The following ATP8B1 variants were observed in gnomAD, a reference collection of about 807,000 sequenced individuals.
ATP8B1 encodes the protein ATPase phospholipid transporting 8B1.
In ATP8B1, 80 loss-of-function variants were observed where a neutral mutation model predicts 149.9. The observed-to-expected ratio is 0.53, with a 90% CI of 0.45 to 0.64. The LOEUF (loss-of-function observed/expected upper bound fraction) is 0.64. Among genes scored for constraint, ATP8B1 ranks in the 30% least tolerant of loss-of-function variants. The probability of loss-of-function intolerance (pLI) is 0.00; values close to 1 mark genes in which losing one functional copy is unlikely to be tolerated. For missense variants in ATP8B1, 1,247 were observed against 1,552.6 expected (o/e 0.80, Z 3.31); for synonymous variants, 536 against 562.8 (o/e 0.95, Z 0.67).
chr18:57,662,534 A>G lies in ATP8B1; in HGVS notation c.2367T>C (p.Ser789=). ...YAKFAPPVQE[S]FFPPGGNRAL... The stretch of plus-strand genomic sequence containing the variant: ...CACGGTTTCCACCGGGTGGAAAAAA[A>G]GATTCCTGCACAGGAGGTGCAAACT... The change falls in exon 21 of 28, where the codon TCT becomes TCC. Residue 789 remains serine, a synonymous_variant. Transcript: ENST00000648908. 6.2e-7 allele frequency: 1 copy of G among 1,614,118 alleles called. No homozygotes were observed. The highest frequency in any genetic ancestry group is 2.2e-5 in the East Asian group (1 of 44,880).
intron 1 of ATP8B1, among the ~76,000 whole-genome samples, chr18:57,785,929 C>T (rs546096375): frequency 2.0e-5 from 3 of 152,202 alleles, no homozygotes; most frequent in East Asian, 1.9e-4. Context: ...AATTAGGCCA[C>T]GGTGGATTCT....
At position 57,695,275 on chromosome 18, in the gene ATP8B1, A is replaced by G; in HGVS notation, c.836T>C (p.Leu279Pro). 6.2e-7 allele frequency: 1 copy of G among 1,613,076 alleles called. No homozygotes were observed. Among genetic ancestry groups the G allele is most frequent in the Non-Finnish European group, 8.5e-7 (1 of 1,179,010 alleles). ...NNRLDKFTGTLFWRNTSFPLD... is the reference protein window; with the variant it reads ...NNRLDKFTGTPFWRNTSFPLD... ...AGGAAAACTTGTGTTTCTCCAAAAT[A>G]GTGTTCCTGTAAACTTATCTAGTCT... Residue 279 changes from leucine to proline, a missense_variant, in exon 10 of 28, where the codon CTA becomes CCA. By Grantham distance (98) the Leu-to-Pro change is moderately conservative. This residue lies in a region of ATP8B1 where 853 missense variants were observed against 1,035.7 expected (regional missense o/e 0.82). Coordinates refer to ENST00000648908, the MANE Select transcript of ATP8B1 (RefSeq NM_001374385.1).
chr18:57,664,624 G>A (rs1021954115), intron 20 of ATP8B1, among the ~76,000 whole-genome samples: 1 of 151,910 alleles, frequency 6.6e-6, no homozygotes, highest in Admixed American at 6.6e-5. Context: ...GAAATTCTCA[G>A]TGCTTTATAT....
At chr18:57,788,314 G>A (rs753049611) in intron 1 of ATP8B1, among the ~76,000 whole-genome samples, 1 of 152,166 alleles carries the variant, frequency 6.6e-6, no homozygotes, top group African/African-American at 2.4e-5. Flanking sequence ...AGCACTTTGG[G>A]AGGCCAAGGC....
intron 15 of ATP8B1, among the ~76,000 whole-genome samples, chr18:57,677,492 G>GCAGCTGTTTATCCAC (rs139762207): frequency 1.3e-5 from 2 of 151,632 alleles, no homozygotes; most frequent in African/African-American, 2.4e-5. Flanking sequence ...AGATGCATGA[G>GCAGCTGTTTATCCAC]CAGCCTCACT....
chr18:57,680,946 T>C (rs936628117), intron 15 of ATP8B1, among the ~76,000 whole-genome samples: 1 of 152,190 alleles, frequency 6.6e-6, no homozygotes, highest in Non-Finnish European at 1.5e-5. Context: ...GAGTCTGCAA[T>C]GGCCTCAAGG....
chr18:57,661,033 G>T, intron 22 of ATP8B1, 141 bp downstream of exon 22: 1 of 1,187,956 alleles, frequency 8.4e-7, no homozygotes, highest in Non-Finnish European at 1.2e-6. Context: ...GCGTTGTCAT[G>T]GTTAAGTGAC....
At chr18:57,672,164 C>T (rs1911247985) in intron 16 of ATP8B1, among the ~76,000 whole-genome samples, 1 of 152,168 alleles carries the variant, frequency 6.6e-6, no homozygotes, top group Non-Finnish European at 1.5e-5. Flanking sequence ...GACTCCCTAC[C>T]ATGTGCTATG....
intron 12 of ATP8B1, 107 bp from the exon 13 acceptor site, chr18:57,688,614 T>C: frequency 8.8e-7 from 1 of 1,133,150 alleles, no homozygotes; most frequent in Non-Finnish European, 1.3e-6. Flanking sequence ...TATTTACTGC[T>C]ATGGTCTGAA....
chr18:57,780,706 G>T (rs2080348700), intron 1 of ATP8B1, among the ~76,000 whole-genome samples: 3 of 152,184 alleles, frequency 2.0e-5, no homozygotes, highest in African/African-American at 7.2e-5. Context: ...TCAACCAAGA[G>T]GTTGCCTGAT....
At chr18:57,773,185 G>T (rs2080277795) in intron 1 of ATP8B1, among the ~76,000 whole-genome samples, 1 of 134,806 alleles carries the variant, frequency 7.4e-6, no homozygotes, top group Non-Finnish European at 1.5e-5. Flanking sequence ...CTGGGTGACA[G>T]AGCGAGACTC....
At chr18:57,712,777 C>A (rs936267495) in intron 2 of ATP8B1, among the ~76,000 whole-genome samples, 1 of 151,794 alleles carries the variant, frequency 6.6e-6, no homozygotes, top group Non-Finnish European at 1.5e-5. Context: ...GTAAAGAGAA[C>A]TTTGTCTTGC....
At chr18:57,700,943 A>T in intron 6 of ATP8B1, 96 bp downstream of exon 6, 1 of 1,281,570 alleles carries the variant, frequency 7.8e-7, no homozygotes, top group Non-Finnish European at 1.1e-6. Flanking sequence ...TAATGTACTA[A>T]TAGCCTTCTA....
At chr18:57,740,166 C>T (rs1241451863) in intron 1 of ATP8B1, among the ~76,000 whole-genome samples, 1 of 152,102 alleles carries the variant, frequency 6.6e-6, no homozygotes, top group Non-Finnish European at 1.5e-5. Flanking sequence ...TCTCAGCTCA[C>T]TGCAACCTTC....
intron 21 of ATP8B1, among the ~76,000 whole-genome samples, chr18:57,661,713 ATTTT>A (rs759201755): frequency 0.02 from 1,816 of 92,584 alleles, 28 homozygotes; most frequent in African/African-American, 0.055. Flanking sequence ...ATATATATAT[ATTTT>A]TTTTTTTTTT....
chr18:57,676,283 T>C (rs1911581057), intron 15 of ATP8B1, among the ~76,000 whole-genome samples: 1 of 151,958 alleles, frequency 6.6e-6, no homozygotes, highest in Admixed American at 6.6e-5. Flanking sequence ...CACCTCAGCT[T>C]CCTGAGTAGT....
intron 11 of ATP8B1, 89 bp from the exon 12 acceptor site, chr18:57,692,086 T>G: frequency 6.5e-7 from 1 of 1,533,230 alleles, no homozygotes; most frequent in Admixed American, 2.1e-5. Context: ...TACTCAATAC[T>G]TCATATGATT....
intron 23 of ATP8B1, among the ~76,000 whole-genome samples, 153 bp downstream of exon 23, chr18:57,655,041 A>G (rs1051787369): frequency 6.6e-6 from 1 of 152,198 alleles, no homozygotes; most frequent in Admixed American, 6.5e-5. Flanking sequence ...ACATTTAGAG[A>G]AGTCATGATC....
intron 4 of ATP8B1, among the ~76,000 whole-genome samples, chr18:57,704,029 T>C (rs1845686021): frequency 1.3e-5 from 2 of 151,210 alleles, no homozygotes; most frequent in South Asian, 4.2e-4. Context: ...TGCAATGGTG[T>C]GATCTCGGCT....
Sources: allele counts gnomAD v4.1 joint callset (sites outside exome capture counted in the v4.1 genomes callset), GRCh38; gene constraint gnomAD v4.1.1; regional missense constraint gnomAD v4.1.1; transcripts MANE v1.5; gene names NCBI Gene and HGNC (gene_info 2026-07-23, HGNC 2026-07-21).